STIMATE: variants seen among roughly 807,000 people sequenced by gnomAD.
The protein encoded by STIMATE is store-operated calcium entry regulator STIMATE.
Under a neutral mutation model 36.7 loss-of-function variants are expected in STIMATE, and 15 were observed. The observed-to-expected ratio is 0.41, with a 90% confidence interval of 0.27 to 0.63. STIMATE has a LOEUF of 0.63. Ranked by LOEUF, STIMATE falls within the 20% of genes least tolerant of loss-of-function variation. The pLI is 0.32. For missense variants in STIMATE, 305 were observed against 397.3 expected (o/e 0.77, Z 1.98); for synonymous variants, 163 against 162.3 (o/e 1.00, Z -0.03).
At chr3:52,846,614 T>C (rs1460527798) in intron 4 of STIMATE, 1 of 152,218 alleles carries the variant, frequency 6.6e-6, no homozygotes, top group Non-Finnish European at 1.5e-5. Flanking sequence ...CGCCTCACAT[T>C]GCCCCAGTGT....
At chr3:52,844,084 C>A (rs1237134081) in intron 5 of STIMATE, among the ~76,000 whole-genome samples, 2 of 152,166 alleles carry the variant, frequency 1.3e-5, no homozygotes, top group Non-Finnish European at 2.9e-5. Context: ...AAGCAGTGCC[C>A]ACCGGGAGAG....
intron 1 of STIMATE, among the ~76,000 whole-genome samples, chr3:52,862,286 G>A (rs1443018192): frequency 6.6e-6 from 1 of 152,182 alleles, no homozygotes; most frequent in African/African-American, 2.4e-5. Flanking sequence ...CAGCCCCTCA[G>A]GACTGCTTTC....
At chr3:52,859,167 A>AT (rs1385804362) in intron 1 of STIMATE, among the ~76,000 whole-genome samples, 4 of 145,564 alleles carry the variant, frequency 2.7e-5, no homozygotes, top group South Asian at 2.1e-4. Flanking sequence ...CATCTCAAAA[A>AT]AAATAAAATA....
intron 1 of STIMATE, among the ~76,000 whole-genome samples, chr3:52,868,257 G>C (rs1701344836): frequency 6.6e-6 from 1 of 152,186 alleles, no homozygotes; most frequent in African/African-American, 2.4e-5. Context: ...TCCTTGCTAA[G>C]AGAAGCCCCT....
chr3:52,849,316 G>A (rs33999310), intron 4 of STIMATE, among the ~76,000 whole-genome samples: 11,072 of 152,348 alleles, frequency 0.073, 523 homozygotes, highest in Non-Finnish European at 0.1. Context: ...CAGCCGTGTG[G>A]AATGGCCTAG....
At chr3:52,879,301 C>A (rs926773136) in intron 1 of STIMATE, among the ~76,000 whole-genome samples, 3 of 152,164 alleles carry the variant, frequency 2.0e-5, no homozygotes, top group Non-Finnish European at 4.4e-5. Flanking sequence ...AGACAGCAGC[C>A]AAGGCAGCCT....
chr3:52,873,966 T>C (rs546368899), intron 1 of STIMATE, among the ~76,000 whole-genome samples: 138 of 152,340 alleles, frequency 9.1e-4, no homozygotes, highest in Non-Finnish European at 1.5e-3. Flanking sequence ...TGTGTGTGTG[T>C]TTTCCACCAG....
At chr3:52,874,973 CCTT>C (rs1701475410) in intron 1 of STIMATE, among the ~76,000 whole-genome samples, 2 of 152,202 alleles carry the variant, frequency 1.3e-5, no homozygotes, top group Admixed American at 6.5e-5. Context: ...TAGAAAATCT[CCTT>C]CTAAGAGAAA....
chr3:52,884,970 T>C (rs1375101060), intron 1 of STIMATE, among the ~76,000 whole-genome samples: 1 of 152,226 alleles, frequency 6.6e-6, no homozygotes, highest in Non-Finnish European at 1.5e-5. Context: ...CATTTCATTT[T>C]CTTTATAAGA....
intron 1 of STIMATE, among the ~76,000 whole-genome samples, chr3:52,895,073 G>A (rs907791636): frequency 2.6e-5 from 4 of 152,256 alleles, no homozygotes; most frequent in African/African-American, 4.8e-5. Context: ...TGAGAAGGAC[G>A]GAGGACTAAT....
In STIMATE at chr3:52,855,274, T is replaced by C. The variant is rs574368863; in HGVS notation, c.209+122A>G. The C allele has an allele frequency of 1.3e-5, 16 of 1,231,534 alleles. No individual in the cohort carries two copies. The African/African-American group carries it at 1.7e-4, about 13-fold the overall frequency. 76.3% of individuals were successfully genotyped at this position (1,231,534 alleles called of 1,614,324 possible). A position where few individuals can be genotyped will look rare whatever the true frequency, so the allele number is the denominator to read the frequency against. ...TAATTCAGGGATTCCACATACATTATATTATGTATCATTTCTCACATTCCA... is the reference window on the plus strand; with the variant it reads ...TAATTCAGGGATTCCACATACATTACATTATGTATCATTTCTCACATTCCA... On this transcript the variant is annotated intron_variant, in intron 2 of 7. Transcript: ENST00000355083.
At chr3:52,861,283 C>A (rs1240673627) in intron 1 of STIMATE, among the ~76,000 whole-genome samples, 2 of 152,212 alleles carry the variant, frequency 1.3e-5, no homozygotes, top group Admixed American at 1.3e-4. Flanking sequence ...GAGACTGAGG[C>A]CTGCAGCACT....
At position 52,840,544 on chromosome 3, in the gene STIMATE, G is replaced by A. The variant is rs376586517; in HGVS notation, c.835C>T (p.Pro279Ser). 5 of 1,613,922 alleles carry A rather than the reference G, an allele frequency of 3.1e-6. No individual in the cohort carries two copies. The Admixed American group carries it at 6.7e-5, about 22-fold the overall frequency. ...TTCTTTTTCTTCACAGGCTTGAGGG[G>A]GGTCAGTCTGCGGAGGTCCTCCTCC... ...DVEEDLRRLT[P>S]LKPVKKKKHR... Residue 279 changes from proline to serine, a missense_variant, in exon 8 of 8, where the codon CCC (proline) becomes TCC (serine). Pro to Ser is a moderately conservative substitution (Grantham distance 74). This residue lies in a region of STIMATE where 84 missense variants were observed against 82.4 expected (regional missense o/e 1.02). Coordinates refer to ENST00000355083, the MANE Select transcript of STIMATE (RefSeq NM_198563.5).
chr3:52,880,810 C>A (rs191524307), intron 1 of STIMATE, among the ~76,000 whole-genome samples: 1 of 152,208 alleles, frequency 6.6e-6, no homozygotes, highest in Non-Finnish European at 1.5e-5. Flanking sequence ...CAAAGGCTCA[C>A]TATATAACAA....
rs182411747 is a variant in STIMATE at position 52,877,892 on chromosome 3, G to A, written c.160+19399C>T. Among the ~76,000 whole-genome samples, 85 of 152,202 alleles carry A rather than the reference G, an allele frequency of 5.6e-4. 1 individual carries two copies. The highest frequency in any genetic ancestry group is 8.1e-4 in the Non-Finnish European group (55 of 67,998). ...GGGCAGATCACGAGGTCAGGAGATCGAGACCATCCTGGGTAACACAGTGAA... is the reference window on the plus strand; with the variant it reads ...GGGCAGATCACGAGGTCAGGAGATCAAGACCATCCTGGGTAACACAGTGAA... On this transcript the variant is annotated intron_variant, in intron 1 of 7. Transcript: ENST00000355083.
chr3:52,878,495 T>C (rs1701539493), intron 1 of STIMATE, among the ~76,000 whole-genome samples: 1 of 152,158 alleles, frequency 6.6e-6, no homozygotes, highest in African/African-American at 2.4e-5. Flanking sequence ...GTCCCGGCTG[T>C]ACCACCTCTG....
At chr3:52,887,916 A>G (rs1701715639) in intron 1 of STIMATE, among the ~76,000 whole-genome samples, 1 of 149,810 alleles carries the variant, frequency 6.7e-6, no homozygotes, top group African/African-American at 2.4e-5. Flanking sequence ...CTGGGAAAAA[A>G]TTCAATATGT....
intron 1 of STIMATE, among the ~76,000 whole-genome samples, chr3:52,866,559 T>C (rs548689087): frequency 9.9e-5 from 15 of 152,272 alleles, no homozygotes; most frequent in African/African-American, 3.1e-4. Context: ...GGACAGCAAT[T>C]ATGGATGACT....
chr3:52,894,764 C>T (rs776672360), intron 1 of STIMATE, among the ~76,000 whole-genome samples: 4 of 152,186 alleles, frequency 2.6e-5, no homozygotes, highest in African/African-American at 4.8e-5. Context: ...TGTTGGCCAT[C>T]AGGACTGGGG....
Sources: allele counts gnomAD v4.1 joint callset (sites outside exome capture counted in the v4.1 genomes callset), GRCh38; gene constraint gnomAD v4.1.1; regional missense constraint gnomAD v4.1.1; transcripts MANE v1.5; gene names NCBI Gene and HGNC (gene_info 2026-07-23, HGNC 2026-07-21).